Variants in ATP9A observed in about 807,000 individuals in gnomAD.
ATP9A encodes the protein ATPase phospholipid transporting 9A, also known as probable phospholipid-transporting ATPase IIA.
ATP9A carries 52 observed loss-of-function variants against 144.1 expected under a neutral mutation model. The ratio of observed to expected loss-of-function variants is 0.36; its 90% CI spans 0.29 to 0.45. ATP9A has a LOEUF of 0.45. Among genes scored for constraint, ATP9A ranks in the 20% least tolerant of loss-of-function variants. ATP9A has a pLI of 1.00. For missense variants in ATP9A, 947 were observed against 1,392.7 expected, an observed-to-expected ratio of 0.68 and a Z score of 5.09; for synonymous variants, 582 against 557.4, an observed-to-expected ratio of 1.04 and a Z score of -0.62.
At chr20:51,636,603 A>T (rs908900926) in intron 15 of ATP9A, among the ~76,000 whole-genome samples, 2 of 147,824 alleles carry the variant, frequency 1.4e-5, no homozygotes, top group Non-Finnish European at 2.9e-5. Flanking sequence ...GCCTGGAGTG[A>T]GTTCCAGCCC....
chr20:51,755,590 C>T (rs191189881), intron 1 of ATP9A, among the ~76,000 whole-genome samples: 2 of 152,284 alleles, frequency 1.3e-5, no homozygotes, highest in East Asian at 3.9e-4. Flanking sequence ...GGAAAATTAT[C>T]ATTTTCTTCT....
chr20:51,656,920 G>T lies in ATP9A; in HGVS notation c.1506+18C>A, dbSNP rs1033502047. On this transcript the variant is annotated intron_variant, in intron 14 of 27. Transcript: ENST00000338821. ...AAGCAGGGCCTCCCCATGCCTTGCT[G>T]CACCTGCCCAGGTTTACCTCATCGG... The T allele has an allele frequency of 2.5e-6, 4 of 1,609,016 alleles. No individual in the cohort carries two copies. In the African/African-American group the frequency reaches 4.0e-5, roughly 16 times the overall value.
At chr20:51,642,733 A>ACAAAAAAAC (rs1281424200) in intron 14 of ATP9A, among the ~76,000 whole-genome samples, 1 of 32,740 alleles carries the variant, frequency 3.1e-5, no homozygotes, top group Non-Finnish European at 7.3e-5. Flanking sequence ...CTCCAAAAAA[A>ACAAAAAAAC]AAAAAAAAAA....
intron 13 of ATP9A, 74 bp from the exon 14 acceptor site, chr20:51,657,224 C>A: frequency 7.9e-7 from 1 of 1,268,898 alleles, no homozygotes; most frequent in Admixed American, 2.0e-5. Context: ...AACAGCCGTG[C>A]AGCTATTGTT....
At chr20:51,693,933 G>T in intron 7 of ATP9A, 75 bp downstream of exon 7, 1 of 1,229,476 alleles carries the variant, frequency 8.1e-7, no homozygotes, top group Non-Finnish European at 1.1e-6. Flanking sequence ...CCCATGCCTG[G>T]CCCCCCAGGT....
chr20:51,698,551 T>G (rs1209053689), intron 4 of ATP9A, among the ~76,000 whole-genome samples: 1 of 152,132 alleles, frequency 6.6e-6, no homozygotes, highest in Non-Finnish European at 1.5e-5. Flanking sequence ...ACGCCTGCTG[T>G]ATGCCAGGCG....
chr20:51,617,604 C>T, intron 21 of ATP9A, 50 bp from the exon 22 acceptor site: 1 of 1,581,898 alleles, frequency 6.3e-7, no homozygotes, highest in African/African-American at 1.3e-5. Flanking sequence ...CTTACCTTAA[C>T]CAAGAATGTA....
intron 3 of ATP9A, among the ~76,000 whole-genome samples, chr20:51,716,646 ACT>A (rs1321325480): frequency 6.6e-6 from 1 of 152,048 alleles, no homozygotes; most frequent in Non-Finnish European, 1.5e-5. Context: ...ACAGAATGAG[ACT>A]CTGTCTCAGG....
chr20:51,662,778 T>A (rs536665228), intron 13 of ATP9A, among the ~76,000 whole-genome samples: 2 of 151,718 alleles, frequency 1.3e-5, no homozygotes, highest in South Asian at 4.2e-4. Flanking sequence ...AAAGATTTTT[T>A]AAAATATACA....
intron 1 of ATP9A, among the ~76,000 whole-genome samples, chr20:51,735,323 G>A (rs1048713667): frequency 6.6e-6 from 1 of 151,462 alleles, no homozygotes; most frequent in African/African-American, 2.4e-5. Flanking sequence ...CATACATGCA[G>A]GGAGACGCTT....
chr20:51,687,799 G>C (rs1035978590), intron 9 of ATP9A, among the ~76,000 whole-genome samples: 3 of 151,950 alleles, frequency 2.0e-5, no homozygotes, highest in African/African-American at 7.3e-5. Flanking sequence ...ATGAATGAAT[G>C]AATGAAAGAG....
intron 10 of ATP9A, among the ~76,000 whole-genome samples, 179 bp downstream of exon 10, chr20:51,675,953 G>A (rs1568815735): frequency 1.3e-5 from 2 of 150,880 alleles, no homozygotes; most frequent in Non-Finnish European, 2.9e-5. Context: ...TTTACGTACT[G>A]TATTATATAT....
chr20:51,703,249 A>G (rs955962171), intron 4 of ATP9A, among the ~76,000 whole-genome samples: 5 of 152,190 alleles, frequency 3.3e-5, no homozygotes, highest in African/African-American at 9.7e-5. Flanking sequence ...AAAACACCCA[A>G]TAATATCTTC....
At chr20:51,621,787 G>A (rs1601062031) in intron 19 of ATP9A, among the ~76,000 whole-genome samples, 2 of 152,056 alleles carry the variant, frequency 1.3e-5, no homozygotes, top group South Asian at 4.1e-4. Context: ...CGGGGGGAGT[G>A]CCTGACTTTC....
chr20:51,657,564 G>A (rs957695978), intron 13 of ATP9A, among the ~76,000 whole-genome samples: 3 of 152,124 alleles, frequency 2.0e-5, no homozygotes, highest in Non-Finnish European at 2.9e-5. Flanking sequence ...CAGCATCCCT[G>A]TCCTCCAGCC....
intron 17 of ATP9A, 143 bp from the exon 18 acceptor site, chr20:51,625,505 G>T (rs1568791065): frequency 1.1e-6 from 1 of 900,532 alleles, no homozygotes; most frequent in Non-Finnish European, 1.6e-6. Context: ...CCCCACAGGG[G>T]TGACATAGGC....
At chr20:51,673,876 C>A (rs2077466452) in intron 11 of ATP9A, among the ~76,000 whole-genome samples, 1 of 151,996 alleles carries the variant, frequency 6.6e-6, no homozygotes, top group Non-Finnish European at 1.5e-5. Flanking sequence ...ATGGTGAAAC[C>A]CCATCTTTAC....
chr20:51,606,527 T>C (rs998184718), intron 26 of ATP9A, among the ~76,000 whole-genome samples: 4 of 152,176 alleles, frequency 2.6e-5, no homozygotes, highest in African/African-American at 9.6e-5. Flanking sequence ...TGAGACCTCA[T>C]CTCTACAAAA....
At chr20:51,703,646 A>G (rs1337493605) in intron 4 of ATP9A, among the ~76,000 whole-genome samples, 1 of 152,206 alleles carries the variant, frequency 6.6e-6, no homozygotes, top group East Asian at 1.9e-4. Context: ...CAGCTTCAGA[A>G]TAAGAGCAGT....
Sources: gnomAD v4.1 joint callset for allele counts (sites outside exome capture counted in the v4.1 genomes callset) on GRCh38, gnomAD v4.1.1 for gene constraint, MANE v1.5 for transcripts, NCBI Gene and HGNC (gene_info 2026-07-23, HGNC 2026-07-21) for gene names.